The following PLEKHM1 variants were observed in gnomAD, a reference collection of about 807,000 sequenced individuals.
PLEKHM1 encodes the protein pleckstrin homology domain-containing family M member 1.
A neutral mutation model predicts 94.3 loss-of-function variants in PLEKHM1; 28 were observed. The ratio of observed to expected loss-of-function variants is 0.30; its 90% CI spans 0.22 to 0.41. The LOEUF (loss-of-function observed/expected upper bound fraction) is 0.41, where lower values mean the gene tolerates loss of function less well. Among genes scored for constraint, PLEKHM1 ranks in the 10% least tolerant of loss-of-function variants. PLEKHM1 has a pLI of 1.00. For synonymous variants in PLEKHM1, 424 were observed against 581.2 expected, an observed-to-expected ratio of 0.73 and a Z score of 3.89; for missense variants, 907 against 1,358.6, an observed-to-expected ratio of 0.67 and a Z score of 5.22.
At position 45,477,902 on chromosome 17, in the gene PLEKHM1, G is replaced by A. The variant is rs1237056423; in HGVS notation, c.294C>T (p.His98=). ...AAACCTCTCCAGCTAAATCTCACTTGTGGGTGACAGCTTTCAGGAGGGGCC... is the reference window on the plus strand; with the variant it reads ...AAACCTCTCCAGCTAAATCTCACTTATGGGTGACAGCTTTCAGGAGGGGCC... ...VFWPLLKAVT[H]KHIISELEHL... The change falls in exon 3 of 12, where the codon CAC becomes CAT. Residue 98 remains histidine, a splice_region_variant and synonymous_variant. Coordinates refer to ENST00000430334, the MANE Select transcript of PLEKHM1 (RefSeq NM_014798.3). 6.2e-7 allele frequency: 1 copy of A among 1,613,940 alleles called. No homozygotes were observed. Among genetic ancestry groups the A allele is most frequent in the African/African-American group, 1.3e-5 (1 of 75,070 alleles).
rs1357039893 is a variant in PLEKHM1, at chr17:45,468,596, A to G, written c.924-3T>C. On this transcript the variant is annotated splice_region_variant and splice_polypyrimidine_tract_variant and intron_variant, in intron 4 of 11. Transcript: ENST00000430334. ...CTTTGCTGAATTCCAACAATACCCT[A>G]GAAGTTTTAAACAAAGAAACCTGTG... 3.1e-6 allele frequency: 5 copies of G among 1,614,118 alleles called. No homozygotes were observed. The highest frequency in any genetic ancestry group is 4.2e-6 in the Non-Finnish European group (5 of 1,180,038).
chr17:45,465,946 G>A (rs2051307879), intron 5 of PLEKHM1, among the ~76,000 whole-genome samples: 1 of 152,060 alleles, frequency 6.6e-6, no homozygotes. Flanking sequence ...CGCACAGCCT[G>A]CATCCCCAGC....
At position 45,445,667 on chromosome 17, in the gene PLEKHM1, G is replaced by C. The variant is rs1404304170; in HGVS notation, c.2644-4C>G. 1 of 1,613,372 alleles carries C rather than the reference G, an allele frequency of 6.2e-7. No individual in the cohort carries two copies. Among genetic ancestry groups the C allele is most frequent in the Admixed American group, 1.7e-5 (1 of 59,996 alleles). On this transcript the variant is annotated splice_region_variant and splice_polypyrimidine_tract_variant and intron_variant, in intron 8 of 11. Transcript: ENST00000430334. This position sits in a 1 kb window ranked among gnomAD's most constrained non-coding sequence, Gnocchi z 4.2. ...ACTTCAGGGCCTGCCTGCAGATCTGGGGGTACCACCAGGCATTGGGGATGG... is the reference window on the plus strand; with the variant it reads ...ACTTCAGGGCCTGCCTGCAGATCTGCGGGTACCACCAGGCATTGGGGATGG...
At position 45,453,955 on chromosome 17, in the gene PLEKHM1, C is replaced by A. The variant is rs760063830; in HGVS notation, c.1897G>T (p.Asp633Tyr). The A allele has an allele frequency of 1.2e-6, 2 of 1,613,930 alleles. No individual in the cohort carries two copies. The highest frequency in any genetic ancestry group is 1.7e-6 in the Non-Finnish European group (2 of 1,179,830). ...ALQKVRPQQE[D>Y]EWVNVQYPDQ... ...GGGTACTGCACGTTCACCCACTCAT[C>A]CTCCTGCTGAGGCCGGACCTTCTGC... is the stretch of plus-strand genomic sequence containing the variant. Residue 633 changes from aspartate (D) to tyrosine (Y), a missense_variant, in exon 7 of 12, where the codon GAT becomes TAT. By Grantham distance (160) the Asp-to-Tyr change is radical. This residue lies in a region of PLEKHM1 where 477 missense variants were observed against 601.5 expected (regional missense o/e 0.79). Coordinates refer to ENST00000430334, the MANE Select transcript of PLEKHM1 (RefSeq NM_014798.3). The surrounding 1 kb of genome is among the most constrained non-coding windows in gnomAD (Gnocchi z 4.1).
At chr17:45,477,651 C>A in intron 3 of PLEKHM1, 1 of 546,592 alleles carries the variant, frequency 1.8e-6, no homozygotes, top group Non-Finnish European at 3.3e-6. Flanking sequence ...CTTTTTGTGA[C>A]CAGTCTCAAA....
At chr17:45,485,087 C>T (rs2052069005) in intron 1 of PLEKHM1, among the ~76,000 whole-genome samples, 1 of 151,834 alleles carries the variant, frequency 6.6e-6, no homozygotes. Context: ...CTGACTACAG[C>T]CCCATCTGAC....
intron 3 of PLEKHM1, chr17:45,477,207 T>C (rs1259129412): frequency 6.4e-6 from 1 of 157,478 alleles, no homozygotes; most frequent in African/African-American, 2.4e-5. Context: ...GAGGCGGAGG[T>C]AGGCAGATCA....
intron 1 of PLEKHM1, among the ~76,000 whole-genome samples, chr17:45,490,370 C>A (rs1029716951): frequency 6.6e-6 from 1 of 151,576 alleles, no homozygotes. Context: ...AGTGGGGTCA[C>A]GAGTGAAGCT....
In PLEKHM1 at chr17:45,439,578, C is replaced by A; in HGVS notation, c.2958G>T (p.Gln986His). The change falls in exon 11 of 12, where the codon CAG becomes CAT. Residue 986 changes from glutamine to histidine, a missense_variant. Transcript: ENST00000430334. ...TGCACAGGTCGCAGTGGTAGACATG[C>A]TGGGAGGCAAATTCAATCAGGGCCT... ...FLKALIEFASQHVYHCDLCTQ... is the reference protein window; with the variant it reads ...FLKALIEFASHHVYHCDLCTQ... The A allele has an allele frequency of 6.2e-7, 1 of 1,614,204 alleles. No individual in the cohort carries two copies. Among genetic ancestry groups the A allele is most frequent in the South Asian group, 1.1e-5 (1 of 91,088 alleles).
chr17:45,467,079 C>T (rs1223476224), intron 5 of PLEKHM1, among the ~76,000 whole-genome samples: 1 of 152,176 alleles, frequency 6.6e-6, no homozygotes, highest in South Asian at 2.1e-4. Flanking sequence ...CAGCCTCATG[C>T]TATATGTACA....
At position 45,486,160 on chromosome 17, in the gene PLEKHM1, T is replaced by C. The variant is rs867818143; in HGVS notation, c.-41-3635A>G. 4.2e-5 allele frequency among the ~76,000 whole-genome samples: 6 copies of C among 141,866 alleles called. No individual in the cohort carries two copies. The East Asian group carries it at 1.2e-3, about 29-fold the overall frequency. 93.1% of individuals were successfully genotyped at this position (141,866 alleles called of 152,430 possible). On this transcript the variant is annotated intron_variant, in intron 1 of 11. Coordinates refer to ENST00000430334, the MANE Select transcript of PLEKHM1 (RefSeq NM_014798.3). ...TGAACCTGGGAGGCGGAGCTTGCAGTGAGCCGAGATCCCGCCACTGCACTC... is the reference window on the plus strand; with the variant it reads ...TGAACCTGGGAGGCGGAGCTTGCAGCGAGCCGAGATCCCGCCACTGCACTC...
Position 45,478,142 on chromosome 17 carries a change from G to A in PLEKHM1, c.54C>T (p.Ile18=), listed in dbSNP as rs2051818297. The A allele has an allele frequency of 2.5e-6, 4 of 1,614,036 alleles. No individual in the cohort carries two copies. Among genetic ancestry groups the A allele is most frequent in the African/African-American group, 1.3e-5 (1 of 74,916 alleles). The change falls in exon 3 of 12, where the codon ATC becomes ATT. Residue 18 remains isoleucine (I), a synonymous_variant. Coordinates refer to ENST00000430334, the MANE Select transcript of PLEKHM1 (RefSeq NM_014798.3). ...GLDPQAAIPV[I]KKKLVGSVKA... The stretch of plus-strand genomic sequence containing the variant: ...TCACGGATCCCACCAGCTTCTTCTT[G>A]ATGACCTAGGCAGCACCACACAGAA...
chr17:45,487,831 G>A (rs1468529392), intron 1 of PLEKHM1: 5 of 455,878 alleles, frequency 1.1e-5, no homozygotes, highest in African/African-American at 8.0e-5. Flanking sequence ...CACTCCCCAC[G>A]GCCTTCTCTC....
At chr17:45,457,453 G>A (rs1475662412) in intron 6 of PLEKHM1, among the ~76,000 whole-genome samples, 3 of 151,888 alleles carry the variant, frequency 2.0e-5, no homozygotes, top group African/African-American at 2.4e-5. Flanking sequence ...CCAACTACTC[G>A]GGTGGCTAAA....
intron 7 of PLEKHM1, among the ~76,000 whole-genome samples, chr17:45,451,362 C>T (rs1440780376): frequency 6.6e-6 from 1 of 152,174 alleles, no homozygotes; most frequent in African/African-American, 2.4e-5. Flanking sequence ...GGAGGTGTCT[C>T]CACAGCCGGA....
chr17:45,488,168 G>A (rs1363947971), intron 1 of PLEKHM1, among the ~76,000 whole-genome samples: 1 of 152,192 alleles, frequency 6.6e-6, no homozygotes, highest in Non-Finnish European at 1.5e-5. Flanking sequence ...CAGAATTGTG[G>A]AGTCAGTGAA....
rs867484664 is a variant in PLEKHM1, at chr17:45,444,687, C to T, written c.2837+783G>A. ...ACGGTGCCTTCGTTCATGGCCTGTG[C>T]GTGCCATTCCTTCTGTCTAGAATGC... On this transcript the variant is annotated intron_variant, in intron 9 of 11. Transcript: ENST00000430334. The surrounding 1 kb of genome is among the most constrained non-coding windows in gnomAD (Gnocchi z 5.0). Among the ~76,000 whole-genome samples the T allele has an allele frequency of 3.3e-5, 5 of 152,166 alleles. No homozygotes were observed. Among genetic ancestry groups the T allele is most frequent in the East Asian group, 1.9e-4 (1 of 5,190 alleles).
intron 9 of PLEKHM1, 89 bp from the exon 10 acceptor site, chr17:45,440,315 C>T: frequency 1.5e-6 from 2 of 1,335,370 alleles, no homozygotes; most frequent in Middle Eastern, 1.8e-4. Context: ...TGGCGCTGCT[C>T]ACCAGGCAGA....
chr17:45,464,449 T>G (rs898171347), intron 5 of PLEKHM1, among the ~76,000 whole-genome samples: 1 of 152,120 alleles, frequency 6.6e-6, no homozygotes, highest in African/African-American at 2.4e-5. Flanking sequence ...AAAAAGCACG[T>G]GGCTAACTGA....
Sources: allele counts gnomAD v4.1 joint callset (sites outside exome capture counted in the v4.1 genomes callset), GRCh38; gene constraint gnomAD v4.1.1; regional missense constraint gnomAD v4.1.1; non-coding constraint Gnocchi (gnomAD v3.1); transcripts MANE v1.5; gene names NCBI Gene and HGNC (gene_info 2026-07-23, HGNC 2026-07-21).